Variants in GRAMD1B observed in about 807,000 individuals in gnomAD.
GRAMD1B encodes the protein protein Aster-B.
In GRAMD1B, 37 loss-of-function variants were observed where a neutral mutation model predicts 99.7. The ratio of observed to expected loss-of-function variants is 0.37; its 90% CI spans 0.29 to 0.49. The LOEUF (loss-of-function observed/expected upper bound fraction) is 0.49. Ranked by LOEUF, GRAMD1B falls within the 20% of genes least tolerant of loss-of-function variation. The probability of loss-of-function intolerance (pLI) is 0.98; values close to 1 mark genes in which losing one functional copy is unlikely to be tolerated. For synonymous variants in GRAMD1B, 427 were observed against 387.6 expected, an observed-to-expected ratio of 1.10 and a Z score of -1.19; for missense variants, 888 against 1,009.2, an observed-to-expected ratio of 0.88 and a Z score of 1.63.
intron 2 of GRAMD1B, among the ~76,000 whole-genome samples, chr11:123,516,054 C>A (rs1382057370): frequency 6.6e-6 from 1 of 152,202 alleles, no homozygotes; most frequent in Admixed American, 6.5e-5. Context: ...CAGGTGTGAG[C>A]CCCCGCACCC....
At chr11:123,408,437 GA>G (rs1342163449) in intron 1 of GRAMD1B, among the ~76,000 whole-genome samples, 4 of 152,198 alleles carry the variant, frequency 2.6e-5, no homozygotes, top group African/African-American at 9.7e-5. Context: ...ATGTTAAAAC[GA>G]GTACTGGAAC....
intron 3 of GRAMD1B, among the ~76,000 whole-genome samples, chr11:123,581,526 A>G (rs1471327145): frequency 1.3e-5 from 2 of 152,186 alleles, no homozygotes; most frequent in Admixed American, 6.5e-5. Context: ...GGCAGAGTTC[A>G]GGGACCCCTG....
chr11:123,455,013 C>G (rs1027411732), intron 1 of GRAMD1B, among the ~76,000 whole-genome samples: 2 of 152,150 alleles, frequency 1.3e-5, no homozygotes, highest in African/African-American at 4.8e-5. Flanking sequence ...TTTATGAGCA[C>G]TTAGTCTTTT....
chr11:123,419,375 C>T (rs1038191209), intron 1 of GRAMD1B, among the ~76,000 whole-genome samples: 1 of 152,182 alleles, frequency 6.6e-6, no homozygotes, highest in Non-Finnish European at 1.5e-5. Context: ...CATGCCTGTA[C>T]TGCCAGCACT....
chr11:123,470,594 A>G (rs529072969), intron 1 of GRAMD1B, among the ~76,000 whole-genome samples: 71 of 147,924 alleles, frequency 4.8e-4, no homozygotes, highest in African/African-American at 1.4e-3. Flanking sequence ...GCTTACTGCA[A>G]CCTCCACCTT....
intron 3 of GRAMD1B, among the ~76,000 whole-genome samples, chr11:123,583,963 G>A (rs1302137369): frequency 6.6e-6 from 1 of 152,082 alleles, no homozygotes; most frequent in Non-Finnish European, 1.5e-5. Flanking sequence ...TTTGCTTCTG[G>A]TCAGGGCCCA....
intron 2 of GRAMD1B, among the ~76,000 whole-genome samples, chr11:123,521,497 A>G (rs1272763239): frequency 2.6e-5 from 4 of 152,102 alleles, no homozygotes; most frequent in African/African-American, 7.2e-5. Context: ...TTTTCTCTCT[A>G]TGATCTCTTT....
At chr11:123,459,870 T>TG (rs1468477355) in intron 1 of GRAMD1B, 1 of 152,260 alleles carries the variant, frequency 6.6e-6, no homozygotes, top group Non-Finnish European at 1.5e-5. Context: ...TCTCATCTGT[T>TG]TTCTGTGTAC....
intron 2 of GRAMD1B, among the ~76,000 whole-genome samples, chr11:123,576,305 G>A (rs1948704544): frequency 6.6e-6 from 1 of 152,238 alleles, no homozygotes; most frequent in Admixed American, 6.5e-5. Flanking sequence ...CCAGCTGAGA[G>A]GCTGCTGAGC....
intron 1 of GRAMD1B, among the ~76,000 whole-genome samples, chr11:123,368,694 A>G (rs868836286): frequency 3.3e-5 from 5 of 150,368 alleles, no homozygotes; most frequent in Non-Finnish European, 3.0e-5. Context: ...AAAAAAAAAA[A>G]AAAAAAAAGA....
At chr11:123,526,150 T>C in intron 2 of GRAMD1B, 1 of 1,613,178 alleles carries the variant, frequency 6.2e-7, no homozygotes, top group Non-Finnish European at 8.5e-7. Context: ...ACTGTACTAA[T>C]GAAAGGATTC....
intron 19 of GRAMD1B, among the ~76,000 whole-genome samples, chr11:123,620,722 A>G (rs1426223495): frequency 6.6e-6 from 1 of 152,230 alleles, no homozygotes; most frequent in African/African-American, 2.4e-5. Context: ...CACCCAGGCC[A>G]ACACATGTCA....
chr11:123,618,732 C>A lies in GRAMD1B; in HGVS notation c.2358C>A (p.Tyr786Ter). The A allele has an allele frequency of 6.3e-7, 1 of 1,589,202 alleles. No individual in the cohort carries two copies. The highest frequency in any genetic ancestry group is 8.6e-7 in the Non-Finnish European group (1 of 1,166,828). Residue 786 changes from tyrosine to a stop codon, truncating the protein, a stop_gained, in exon 18 of 20, where the codon TAC (tyrosine) becomes TAA (stop). Transcript: ENST00000635736. LOFTEE classifies it high-confidence loss of function. ...LLVILNMMLF[Y>*]KLWMLEYTTQ... ...TCATCCTTAACATGATGCTCTTCTA[C>A]AAACTCTGGATGTTGGAATACACCA...
At chr11:123,551,916 C>G (rs1412394571) in intron 2 of GRAMD1B, among the ~76,000 whole-genome samples, 1 of 152,176 alleles carries the variant, frequency 6.6e-6, no homozygotes, top group Non-Finnish European at 1.5e-5. Context: ...CTCTGCAGCC[C>G]CTGGGCTCCA....
intron 2 of GRAMD1B, among the ~76,000 whole-genome samples, chr11:123,552,156 T>C (rs898506441): frequency 2.7e-5 from 4 of 150,218 alleles, no homozygotes; most frequent in Non-Finnish European, 5.9e-5. Flanking sequence ...AGATTCTTGC[T>C]TGTGGTCATT....
intron 2 of GRAMD1B, among the ~76,000 whole-genome samples, chr11:123,552,277 T>TC (rs1160676719): frequency 1.4e-5 from 2 of 144,736 alleles, no homozygotes; most frequent in East Asian, 2.0e-4. Flanking sequence ...TTCTTTCTTT[T>TC]TTTTTTTTTT....
chr11:123,547,304 C>T (rs1299564497), intron 2 of GRAMD1B, among the ~76,000 whole-genome samples: 2 of 152,194 alleles, frequency 1.3e-5, no homozygotes, highest in Non-Finnish European at 2.9e-5. Context: ...GTTTCCAGTA[C>T]AAAAATCACA....
intron 2 of GRAMD1B, among the ~76,000 whole-genome samples, chr11:123,497,721 T>C (rs1939444156): frequency 6.6e-6 from 1 of 151,912 alleles, no homozygotes; most frequent in South Asian, 2.1e-4. Context: ...GCCAACACAG[T>C]GAAACCCCGT....
rs547386197 is a variant in GRAMD1B at position 123,626,939 on chromosome 11, C to A, written c.*4344C>A. On this transcript the variant is annotated 3_prime_UTR_variant, in exon 20 of 20. Coordinates refer to ENST00000635736, the MANE Select transcript of GRAMD1B (RefSeq NM_001387025.1). The stretch of plus-strand genomic sequence containing the variant: ...AGAGAGCTCCCTTCCCACCTCTCTG[C>A]CCAGCCTTGTTACCTCACTTCTGCT... The A allele has an allele frequency of 3.5e-4, 54 of 152,360 alleles. 1 individual carries two copies. The highest frequency in any genetic ancestry group is 6.7e-4 in the Non-Finnish European group (46 of 68,180). 9.4% of individuals were successfully genotyped at this position (152,360 alleles called of 1,614,324 possible).
Sources: gnomAD v4.1 joint callset for allele counts (sites outside exome capture counted in the v4.1 genomes callset) on GRCh38, gnomAD v4.1.1 for gene constraint, MANE v1.5 for transcripts, NCBI Gene and HGNC (gene_info 2026-07-23, HGNC 2026-07-21) for gene names.